Variants in DLGAP2 observed in about 807,000 individuals in gnomAD.
DLGAP2 encodes the protein disks large-associated protein 2.
In DLGAP2, 26 loss-of-function variants were observed where a neutral mutation model predicts 100.3. The observed-to-expected ratio is 0.26, with a 90% CI of 0.19 to 0.36. The LOEUF (loss-of-function observed/expected upper bound fraction) is 0.36. Among genes scored for constraint, DLGAP2 ranks in the 10% least tolerant of loss-of-function variants. The pLI is 1.00. For synonymous variants in DLGAP2, 886 were observed against 630.1 expected (o/e 1.41, Z -6.08); for missense variants, 1,858 against 1,453.2 (o/e 1.28, Z -4.53).
chr8:1,177,932 G>C (rs1308847420), intron 2 of DLGAP2, among the ~76,000 whole-genome samples: 2 of 152,232 alleles, frequency 1.3e-5, no homozygotes, highest in East Asian at 3.9e-4. Context: ...AAAGCCTTCA[G>C]GAAGCACCAG....
At chr8:1,218,005 A>G (rs1413710582) in intron 2 of DLGAP2, among the ~76,000 whole-genome samples, 1 of 152,170 alleles carries the variant, frequency 6.6e-6, no homozygotes. Flanking sequence ...GACCTTTGTC[A>G]GAAGGGTAGA....
intron 3 of DLGAP2, among the ~76,000 whole-genome samples, chr8:1,270,189 T>C (rs1407475462): frequency 6.6e-6 from 1 of 152,106 alleles, no homozygotes; most frequent in African/African-American, 2.4e-5. Flanking sequence ...GTGTGCAGGA[T>C]GCTGTGTACA....
chr8:1,112,016 C>G (rs1028262244), intron 2 of DLGAP2, among the ~76,000 whole-genome samples: 11 of 152,112 alleles, frequency 7.2e-5, no homozygotes, highest in Non-Finnish European at 1.3e-4. Flanking sequence ...CTACTTTACA[C>G]TCCCACCGAC....
rs1014604093 is a variant in DLGAP2, at chr8:1,650,008, A to G, written c.1810+16962A>G. On this transcript the variant is annotated intron_variant, in intron 8 of 14. Coordinates refer to ENST00000637795, the MANE Select transcript of DLGAP2 (RefSeq NM_001346810.2). ...ACATAGGCAACTGCAGATTCATGGA[A>G]TTTCTGGAGAAAAAGCCCCACACCT... Among the ~76,000 whole-genome samples the G allele has an allele frequency of 1.2e-4, 19 of 152,334 alleles. No individual in the cohort carries two copies. In the South Asian group the frequency reaches 2.1e-3, roughly 17 times the overall value.
At chr8:1,547,581 G>A (rs1237701575) in intron 4 of DLGAP2, among the ~76,000 whole-genome samples, 1 of 152,144 alleles carries the variant, frequency 6.6e-6, no homozygotes, top group African/African-American at 2.4e-5. Flanking sequence ...ACAGGCCGTG[G>A]AGCTGGCAGA....
At chr8:1,033,885 C>T (rs1331628503) in intron 2 of DLGAP2, among the ~76,000 whole-genome samples, 3 of 114,956 alleles carry the variant, frequency 2.6e-5, no homozygotes, top group Non-Finnish European at 3.7e-5. Flanking sequence ...CCCGACCCCG[C>T]GTGTCACCGC....
At chr8:766,162 G>A (rs1489219316) in intron 1 of DLGAP2, among the ~76,000 whole-genome samples, 1 of 152,134 alleles carries the variant, frequency 6.6e-6, no homozygotes, top group Non-Finnish European at 1.5e-5. Context: ...GCGAGACTCT[G>A]TCTCAAAAAA....
intron 1 of DLGAP2, among the ~76,000 whole-genome samples, chr8:779,084 G>A (rs1404958829): frequency 6.6e-6 from 1 of 152,246 alleles, no homozygotes; most frequent in African/African-American, 2.4e-5. Context: ...CAGTATGCGG[G>A]TGGGAGTGAC....
chr8:1,344,836 G>GT (rs1197923211), intron 3 of DLGAP2, among the ~76,000 whole-genome samples: 1 of 152,204 alleles, frequency 6.6e-6, no homozygotes, highest in Non-Finnish European at 1.5e-5. Flanking sequence ...CAGAACACAT[G>GT]TTTGTTGAAC....
At chr8:815,109 A>G (rs1796452405) in intron 1 of DLGAP2, among the ~76,000 whole-genome samples, 1 of 152,228 alleles carries the variant, frequency 6.6e-6, no homozygotes, top group Non-Finnish European at 1.5e-5. Context: ...GTCGCAGTGC[A>G]TGTGTGCTGC....
chr8:1,613,551 A>AG (rs1554509110), intron 6 of DLGAP2, among the ~76,000 whole-genome samples: 4 of 151,960 alleles, frequency 2.6e-5, no homozygotes, highest in African/African-American at 4.8e-5. Flanking sequence ...ATAAAAAAAA[A>AG]AAAAGAAAAG....
At chr8:1,684,599 C>T (rs80262204) in intron 12 of DLGAP2, among the ~76,000 whole-genome samples, 5,017 of 152,148 alleles carry the variant, frequency 0.033, 313 homozygotes, top group African/African-American at 0.12. Context: ...TTCAGTCAGT[C>T]TTCTATGGTT....
At chr8:1,469,096 C>G (rs1798709970) in intron 3 of DLGAP2, among the ~76,000 whole-genome samples, 1 of 151,846 alleles carries the variant, frequency 6.6e-6, no homozygotes, top group African/African-American at 2.4e-5. Flanking sequence ...GTCATTCATT[C>G]TATGAAAGAA....
At chr8:1,253,420 G>C (rs374346208) in intron 2 of DLGAP2, among the ~76,000 whole-genome samples, 2 of 152,244 alleles carry the variant, frequency 1.3e-5, no homozygotes, top group South Asian at 2.1e-4. Context: ...GCAGAAGCCA[G>C]AGATAGCATG....
chr8:1,329,065 G>T (rs551339887), intron 3 of DLGAP2, among the ~76,000 whole-genome samples: 18 of 152,220 alleles, frequency 1.2e-4, no homozygotes, highest in African/African-American at 3.9e-4. Flanking sequence ...GCTAAACTGC[G>T]ACAGGCGACA....
At chr8:1,619,053 C>A (rs568201916) in intron 6 of DLGAP2, among the ~76,000 whole-genome samples, 4 of 152,198 alleles carry the variant, frequency 2.6e-5, no homozygotes, top group African/African-American at 9.6e-5. Flanking sequence ...TTAAAAGACA[C>A]AACTAAGAAA....
intron 2 of DLGAP2, among the ~76,000 whole-genome samples, chr8:1,185,725 A>ACT (rs1472607105): frequency 2.0e-4 from 9 of 44,180 alleles, no homozygotes; most frequent in Non-Finnish European, 3.6e-4. Flanking sequence ...ACACACACAC[A>ACT]CTCACACTCA....
In DLGAP2 at chr8:924,907, A is replaced by T. The variant is rs186229442; in HGVS notation, c.73+16941A>T. On this transcript the variant is annotated intron_variant, in intron 2 of 14. Coordinates refer to ENST00000637795, the MANE Select transcript of DLGAP2 (RefSeq NM_001346810.2). The stretch of plus-strand genomic sequence containing the variant: ...GGCCAATCCAGGTTATTCTTACTAA[A>T]TCCAGACGTTGTGAAGGCCTGCTTG... Among the ~76,000 whole-genome samples the T allele has an allele frequency of 4.7e-3, 715 of 152,276 alleles. 3 individuals are homozygous for T. Among genetic ancestry groups the T allele is most frequent in the South Asian group, 6.0e-3 (29 of 4,830 alleles).
intron 2 of DLGAP2, among the ~76,000 whole-genome samples, chr8:1,146,213 T>C (rs1481431892): frequency 6.6e-6 from 1 of 152,184 alleles, no homozygotes; most frequent in African/African-American, 2.4e-5. Flanking sequence ...CATGGTTTAA[T>C]GTAACTTCCT....
Sources: allele counts gnomAD v4.1 joint callset (sites outside exome capture counted in the v4.1 genomes callset), GRCh38; gene constraint gnomAD v4.1.1; transcripts MANE v1.5; gene names NCBI Gene and HGNC (gene_info 2026-07-23, HGNC 2026-07-21).